Variants in RAI1 observed in about 807,000 individuals in gnomAD.
RAI1 encodes retinoic acid-induced protein 1.
In RAI1, 9 loss-of-function variants were observed where a neutral mutation model predicts 123.8. The ratio of observed to expected loss-of-function variants is 0.07; its 90% CI spans 0.04 to 0.13. RAI1 has a LOEUF of 0.13. RAI1 is among the 10% of genes least tolerant of loss of function. The pLI is 1.00. For synonymous variants in RAI1, 1,231 were observed against 1,127.3 expected (o/e 1.09, Z -1.84); for missense variants, 2,256 against 2,545.8 (o/e 0.89, Z 2.45).
At chr17:17,777,224 G>C (rs926373966) in intron 2 of RAI1, 2 of 152,196 alleles carry the variant, frequency 1.3e-5, no homozygotes, top group Non-Finnish European at 2.9e-5. Flanking sequence ...TTGCCAGAAA[G>C]CTCTCCAAAG....
intron 1 of RAI1, among the ~76,000 whole-genome samples, chr17:17,718,312 G>A (rs1240485321): frequency 1.3e-5 from 2 of 152,174 alleles, no homozygotes; most frequent in East Asian, 1.9e-4. Context: ...TTCCAAAAAT[G>A]TAAGAGAACT....
chr17:17,803,415 G>T (rs2032525092), intron 3 of RAI1, among the ~76,000 whole-genome samples: 1 of 152,048 alleles, frequency 6.6e-6, no homozygotes, highest in African/African-American at 2.4e-5. Context: ...TGTTTTTTGA[G>T]GCAGGGTCTC....
intron 1 of RAI1, among the ~76,000 whole-genome samples, chr17:17,696,169 A>G (rs1462380323): frequency 6.6e-6 from 1 of 152,242 alleles, no homozygotes; most frequent in African/African-American, 2.4e-5. Flanking sequence ...CACCAGCAGT[A>G]TATAACTACT....
rs749538034 is a variant in RAI1 at position 17,795,266 on chromosome 17, G to T, written c.2318G>T (p.Gly773Val). 1 of 1,613,852 alleles carries T rather than the reference G, an allele frequency of 6.2e-7. No homozygotes were observed. The highest frequency in any genetic ancestry group is 8.5e-7 in the Non-Finnish European group (1 of 1,179,958). Reference protein sequence around the residue: ...GELTKGLEQGGKASDGISKGD... With the variant: ...GELTKGLEQGVKASDGISKGD... Reference sequence around the variant, plus strand: ...CTTACCAAGGGCCTGGAGCAGGGTGGGAAGGCCTCAGATGGCATCAGCAAA... The same window carrying T: ...CTTACCAAGGGCCTGGAGCAGGGTGTGAAGGCCTCAGATGGCATCAGCAAA... Residue 773 changes from glycine (G) to valine (V), a missense_variant, in exon 3 of 6, where the codon GGG (glycine) becomes GTG (valine). Physicochemically the swap from Gly to Val is moderately radical, Grantham distance 109. Around this residue, in one of 7 missense-constraint regions of RAI1, gnomAD observed 566 missense variants for 616.0 expected, o/e 0.92. Transcript: ENST00000353383. This position sits in a 1 kb window ranked among gnomAD's most constrained non-coding sequence, Gnocchi z 5.9.
chr17:17,701,776 C>T (rs1415596377), intron 1 of RAI1, among the ~76,000 whole-genome samples: 1 of 152,162 alleles, frequency 6.6e-6, no homozygotes, highest in African/African-American at 2.4e-5. Flanking sequence ...TCCTTTCTGC[C>T]CCTTCCAGTC....
chr17:17,686,121 C>T (rs1054502738), intron 1 of RAI1, among the ~76,000 whole-genome samples: 7 of 152,256 alleles, frequency 4.6e-5, no homozygotes, highest in African/African-American at 7.2e-5. Flanking sequence ...TTGCTCTCTC[C>T]GGCCCAGTGC....
chr17:17,796,472 A>G lies in RAI1; in HGVS notation c.3524A>G (p.Lys1175Arg). Reference protein sequence around the residue: ...EGRLPNCRATKKLLDNSHLPA... With the variant: ...EGRLPNCRATRKLLDNSHLPA... ...CGGCTCCCCAACTGCCGTGCCACCA[A>G]GAAGCTCCTCGACAACAGCCACTTG... is the stretch of plus-strand genomic sequence containing the variant. The change falls in exon 3 of 6, where the codon AAG (lysine) becomes AGG (arginine). Residue 1175 changes from lysine to arginine, a missense_variant. Coordinates refer to ENST00000353383, the MANE Select transcript of RAI1 (RefSeq NM_030665.4). This position sits in a 1 kb window ranked among gnomAD's most constrained non-coding sequence, Gnocchi z 5.8. 2 of 1,612,198 alleles carry G rather than the reference A, an allele frequency of 1.2e-6. No homozygotes were observed. The highest frequency in any genetic ancestry group is 1.7e-6 in the Non-Finnish European group (2 of 1,179,914).
chr17:17,690,348 C>A (rs1250601860), intron 1 of RAI1, among the ~76,000 whole-genome samples: 7 of 150,964 alleles, frequency 4.6e-5, no homozygotes, highest in Admixed American at 4.6e-4. Flanking sequence ...GATGATCGTA[C>A]CACTGTACTC....
At chr17:17,777,534 G>A (rs1431643317) in intron 2 of RAI1, 1 of 152,222 alleles carries the variant, frequency 6.6e-6, no homozygotes, top group East Asian at 1.9e-4. Flanking sequence ...CTGGAACATC[G>A]AGGCCCCAGG....
chr17:17,728,602 C>T (rs1690549663), intron 2 of RAI1, among the ~76,000 whole-genome samples: 1 of 152,100 alleles, frequency 6.6e-6, no homozygotes, highest in Admixed American at 6.5e-5. Context: ...CTGATTGGAG[C>T]TTCTCCTTTG....
chr17:17,718,293 T>G (rs1211398285), intron 1 of RAI1, among the ~76,000 whole-genome samples: 1 of 152,130 alleles, frequency 6.6e-6, no homozygotes, highest in Non-Finnish European at 1.5e-5. Context: ...TTTGGAACAT[T>G]TGAAAATGTT....
chr17:17,790,359 A>G (rs1301805887), intron 2 of RAI1, among the ~76,000 whole-genome samples: 2 of 152,198 alleles, frequency 1.3e-5, no homozygotes, highest in African/African-American at 4.8e-5. Context: ...ATTCTCCATC[A>G]GCACTGGGCT....
Position 17,691,156 on chromosome 17 carries a change from G to A in RAI1, c.-149+9363G>A, listed in dbSNP as rs56386331. 1.0e-3 allele frequency among the ~76,000 whole-genome samples: 156 copies of A among 152,304 alleles called. 1 individual carries two copies. The highest frequency in any genetic ancestry group is 3.7e-3 in the African/African-American group (152 of 41,558). The stretch of plus-strand genomic sequence containing the variant: ...TGTGGAGCAGTGGGTCTCATTCGGG[G>A]GCGATCTTGTGTCTCAGGGGACACT... On this transcript the variant is annotated intron_variant, in intron 1 of 5. Coordinates refer to ENST00000353383, the MANE Select transcript of RAI1 (RefSeq NM_030665.4).
rs1362022909 is a variant in RAI1, at chr17:17,797,158, A to G, written c.4210A>G (p.Thr1404Ala). 6.2e-7 allele frequency: 1 copy of G among 1,613,996 alleles called. No homozygotes were observed. Among genetic ancestry groups the G allele is most frequent in the Non-Finnish European group, 8.5e-7 (1 of 1,180,022 alleles). The change falls in exon 3 of 6, where the codon ACC (threonine) becomes GCC (alanine). Residue 1404 changes from threonine (T) to alanine (A), a missense_variant. Physicochemically the swap from Thr to Ala is moderately conservative, Grantham distance 58. Around this residue, in one of 7 missense-constraint regions of RAI1, gnomAD observed 410 missense variants for 374.6 expected, o/e 1.09. Coordinates refer to ENST00000353383, the MANE Select transcript of RAI1 (RefSeq NM_030665.4). ...SGADPLCRNP[T>A]NRSLKGKLMN... ...GGCTGATCCGTTATGCAGAAATCCA[A>G]CCAACAGATCCTTAAAAGGCAAACT...
At chr17:17,686,155 G>T (rs946035901) in intron 1 of RAI1, among the ~76,000 whole-genome samples, 21 of 152,256 alleles carry the variant, frequency 1.4e-4, no homozygotes, top group Admixed American at 1.0e-3. Flanking sequence ...TAGAACACAG[G>T]ACGCTCAGAA....
At position 17,687,402 on chromosome 17, in the gene RAI1, A is replaced by T. The variant is rs545710691; in HGVS notation, c.-149+5609A>T. Among the ~76,000 whole-genome samples the T allele has an allele frequency of 2.6e-4, 39 of 151,856 alleles. No individual in the cohort carries two copies. The South Asian group carries it at 7.9e-3, about 31-fold the overall frequency. ...GATGGTCTGTGGACCCAAGTCACCC[A>T]CTCCTTGGGCATGAGAAACCAGGGA... On this transcript the variant is annotated intron_variant, in intron 1 of 5. Transcript: ENST00000353383.
intron 2 of RAI1, among the ~76,000 whole-genome samples, chr17:17,744,385 C>T (rs1916742118): frequency 1.3e-5 from 2 of 152,156 alleles, no homozygotes; most frequent in African/African-American, 4.8e-5. Flanking sequence ...AGGCAAGGCC[C>T]CACACAGAAC....
Position 17,796,849 on chromosome 17 carries a change from T to C in RAI1, c.3901T>C (p.Cys1301Arg). The C allele has an allele frequency of 6.2e-7, 1 of 1,612,358 alleles. No individual in the cohort carries two copies. Among genetic ancestry groups the C allele is most frequent in the Non-Finnish European group, 8.5e-7 (1 of 1,179,372 alleles). The change falls in exon 3 of 6, where the codon TGC becomes CGC. Residue 1301 changes from cysteine to arginine, a missense_variant. Cys to Arg is a radical substitution (Grantham distance 180). Transcript: ENST00000353383. The surrounding 1 kb of genome is among the most constrained non-coding windows in gnomAD (Gnocchi z 5.8). ...CCCACCCCCGGAGACCCCCGATGCC[T>C]GCCTCAAGCTCGCCTCTCGGGCAGC... is the stretch of plus-strand genomic sequence containing the variant. ...KLPPPETPDA[C>R]LKLASRAAFQ... is the part of the protein sequence containing the mutation.
chr17:17,688,979 G>T (rs28669696), intron 1 of RAI1, among the ~76,000 whole-genome samples: 11,118 of 149,866 alleles, frequency 0.074, 905 homozygotes, highest in African/African-American at 0.2. Flanking sequence ...TTTTTGAGCC[G>T]GAGTGTTGCT....
Sources: gnomAD v4.1 joint callset for allele counts (sites outside exome capture counted in the v4.1 genomes callset) on GRCh38, gnomAD v4.1.1 for gene constraint, gnomAD v4.1.1 regional missense constraint, Gnocchi (gnomAD v3.1) non-coding constraint, MANE v1.5 for transcripts, NCBI Gene and HGNC (gene_info 2026-07-23, HGNC 2026-07-21) for gene names.